The following NRG1 variants were observed in gnomAD, a reference collection of about 807,000 sequenced individuals.
NRG1 encodes pro-neuregulin-1, membrane-bound isoform.
A neutral mutation model predicts 63.8 loss-of-function variants in NRG1; 18 were observed. The ratio of observed to expected loss-of-function variants is 0.28; its 90% CI spans 0.19 to 0.42. NRG1 has a LOEUF of 0.42. Among genes scored for constraint, NRG1 ranks in the 10% least tolerant of loss-of-function variants. The probability of loss-of-function intolerance (pLI) is 1.00; values close to 1 mark genes in which losing one functional copy is unlikely to be tolerated. For synonymous variants in NRG1, 302 were observed against 301.3 expected (o/e 1.00, Z -0.02); for missense variants, 762 against 814.7 (o/e 0.94, Z 0.79).
chr8:32,133,418 C>G (rs1835107330), intron 1 of NRG1, among the ~76,000 whole-genome samples: 1 of 151,964 alleles, frequency 6.6e-6, no homozygotes, highest in African/African-American at 2.4e-5. Context: ...CAGGGCCATA[C>G]AAGATGTTAC....
intron 1 of NRG1, among the ~76,000 whole-genome samples, chr8:32,017,293 T>C (rs1815694441): frequency 6.6e-6 from 1 of 152,188 alleles, no homozygotes; most frequent in South Asian, 2.1e-4. Context: ...AAAAACTGTA[T>C]TGTAGACTCG....
chr8:32,331,904 TG>T (rs1466980506), intron 1 of NRG1, among the ~76,000 whole-genome samples: 1 of 152,096 alleles, frequency 6.6e-6, no homozygotes, highest in Non-Finnish European at 1.5e-5. Context: ...GCTTGCTCAA[TG>T]AATGATGACT....
intron 1 of NRG1, among the ~76,000 whole-genome samples, chr8:32,393,550 G>T (rs1232637280): frequency 1.3e-5 from 2 of 152,172 alleles, no homozygotes; most frequent in African/African-American, 4.8e-5. Flanking sequence ...ATACTATGCA[G>T]CCATAAAAAG....
At chr8:32,144,927 A>C (rs1836705493) in intron 1 of NRG1, among the ~76,000 whole-genome samples, 1 of 152,118 alleles carries the variant, frequency 6.6e-6, no homozygotes, top group African/African-American at 2.4e-5. Context: ...ATGAAGTTTG[A>C]GGGAAAACTA....
rs187694629 is a variant in NRG1, at chr8:32,368,645, G to A, written c.38-227183G>A. Among the ~76,000 whole-genome samples the A allele has an allele frequency of 2.4e-3, 371 of 152,278 alleles. 1 individual carries two copies. Among genetic ancestry groups the A allele is most frequent in the African/African-American group, 7.8e-3 (323 of 41,560 alleles). On this transcript the variant is annotated intron_variant, in intron 1 of 10. Transcript: ENST00000519301. ...TTAGCTTGTTCAAGTGTAGAAGCTG[G>A]AGGATGTTTCCCTGCAATGACAGAG... is the stretch of plus-strand genomic sequence containing the variant.
At chr8:31,750,814 T>G (rs1345854249) in intron 1 of NRG1, among the ~76,000 whole-genome samples, 1 of 151,980 alleles carries the variant, frequency 6.6e-6, no homozygotes, top group Admixed American at 6.6e-5. Flanking sequence ...CTGTCATAGC[T>G]TTCTTCTAGT....
intron 1 of NRG1, among the ~76,000 whole-genome samples, chr8:32,531,429 T>C (rs1831441858): frequency 6.6e-6 from 1 of 152,054 alleles, no homozygotes; most frequent in Non-Finnish European, 1.5e-5. Context: ...ATTAATTAAA[T>C]ATTAATTACT....
At chr8:32,144,334 GT>G (rs1836632745) in intron 1 of NRG1, among the ~76,000 whole-genome samples, 2 of 152,204 alleles carry the variant, frequency 1.3e-5, no homozygotes, top group South Asian at 4.1e-4. Flanking sequence ...ATTGCTGGTA[GT>G]GAAGTATCTG....
chr8:32,169,807 G>A (rs1034190142), intron 1 of NRG1, among the ~76,000 whole-genome samples: 1 of 152,148 alleles, frequency 6.6e-6, no homozygotes, highest in Non-Finnish European at 1.5e-5. Flanking sequence ...GTTATGGGTT[G>A]AATTATTTCC....
intron 1 of NRG1, among the ~76,000 whole-genome samples, chr8:32,312,330 A>ATTTTT (rs4035492): frequency 0.037 from 3,297 of 89,080 alleles, 474 homozygotes; most frequent in African/African-American, 0.17. Context: ...TGCCCAGCTA[A>ATTTTT]TTTTTTTTTT....
chr8:31,904,736 A>T (rs917414182), intron 1 of NRG1, among the ~76,000 whole-genome samples: 37 of 152,294 alleles, frequency 2.4e-4, no homozygotes, highest in Non-Finnish European at 4.7e-4. Context: ...GGAACATGTA[A>T]GGAACTGGAG....
Position 32,047,688 on chromosome 8 carries a change from G to A in NRG1, c.37+408257G>A, listed in dbSNP as rs552430724. 1.3e-3 allele frequency among the ~76,000 whole-genome samples: 197 copies of A among 151,720 alleles called. 2 individuals are homozygous for A. The highest frequency in any genetic ancestry group is 4.4e-3 in the African/African-American group (181 of 41,402). ...TTTACTTACTGTGTACAACATTGAT[G>A]TTTTCAAATATATATACATTATGAA... On this transcript the variant is annotated intron_variant, in intron 1 of 10. Transcript: ENST00000519301.
At chr8:32,579,219 G>GTTT (rs1840216175) in intron 1 of NRG1, among the ~76,000 whole-genome samples, 3 of 108,830 alleles carry the variant, frequency 2.8e-5, no homozygotes, top group Non-Finnish European at 4.0e-5. Context: ...TTTTTTTTTG[G>GTTT]ATACTATTGC....
intron 1 of NRG1, among the ~76,000 whole-genome samples, chr8:31,915,800 T>A (rs1270508363): frequency 6.6e-6 from 1 of 152,134 alleles, no homozygotes; most frequent in Admixed American, 6.6e-5. Flanking sequence ...CAAGTTAATT[T>A]ACACATTTTC....
chr8:32,597,751 G>A (rs1843618894), intron 2 of NRG1, among the ~76,000 whole-genome samples: 1 of 152,024 alleles, frequency 6.6e-6, no homozygotes, highest in Admixed American at 6.5e-5. Flanking sequence ...TACTGAGAAT[G>A]AAATTAAGTT....
rs551079072 is a variant in NRG1 at position 31,772,170 on chromosome 8, A to G, written c.37+132739A>G. On this transcript the variant is annotated intron_variant, in intron 1 of 10. Coordinates refer to the NRG1 transcript ENST00000519301. ...TATTTTCTCTTCCACATTGGGAAAA[A>G]CTATCTTTCATGATCTATCTCCCTT... Among the ~76,000 whole-genome samples, 47 of 152,266 alleles carry G rather than the reference A, an allele frequency of 3.1e-4. 2 individuals carry two copies. The South Asian group carries it at 9.1e-3, about 30-fold the overall frequency.
chr8:31,962,536 G>A (rs563259215), intron 1 of NRG1, among the ~76,000 whole-genome samples: 121 of 152,252 alleles, frequency 7.9e-4, no homozygotes, highest in Non-Finnish European at 1.0e-4. Context: ...GATAGGGAGA[G>A]AATTGAAGTA....
intron 1 of NRG1, among the ~76,000 whole-genome samples, chr8:31,928,351 G>GT (rs1326074373): frequency 6.2e-5 from 3 of 48,328 alleles, no homozygotes; most frequent in African/African-American, 4.1e-4. Context: ...CATGGATGTG[G>GT]TAAAAAAAAA....
chr8:31,752,916 C>T (rs1399965599), intron 1 of NRG1, among the ~76,000 whole-genome samples: 2 of 151,982 alleles, frequency 1.3e-5, no homozygotes, highest in African/African-American at 4.8e-5. Flanking sequence ...TAGAGTGGGC[C>T]ATAGTGAAAA....
Sources: gnomAD v4.1 joint callset for allele counts (sites outside exome capture counted in the v4.1 genomes callset) on GRCh38, gnomAD v4.1.1 for gene constraint, MANE v1.5 for transcripts, NCBI Gene and HGNC (gene_info 2026-07-23, HGNC 2026-07-21) for gene names.